WDR27: variants seen among roughly 807,000 people sequenced by gnomAD.
WDR27 encodes the protein WD repeat-containing protein 27.
Under a neutral mutation model 114.4 loss-of-function variants are expected in WDR27, and 100 were observed. That is an observed-to-expected ratio of 0.87 (90% CI 0.74 to 1.03). The LOEUF (loss-of-function observed/expected upper bound fraction) is 1.03, where lower values mean the gene tolerates loss of function less well. Among genes scored for constraint, WDR27 ranks in the 50% least tolerant of loss-of-function variants. WDR27 has a pLI of 0.00. For synonymous variants in WDR27, 449 were observed against 423.1 expected, an observed-to-expected ratio of 1.06 and a Z score of -0.75; for missense variants, 1,129 against 1,092.9, an observed-to-expected ratio of 1.03 and a Z score of -0.47.
intron 25 of WDR27, among the ~76,000 whole-genome samples, chr6:169,494,527 G>C (rs1358175959): frequency 1.3e-5 from 2 of 152,076 alleles, no homozygotes; most frequent in Admixed American, 1.3e-4. Flanking sequence ...GACATTACTA[G>C]ACAATAGAAA....
chr6:169,452,855 G>A (rs1784211413), downstream of WDR27, among the ~76,000 whole-genome samples: 1 of 152,346 alleles, frequency 6.6e-6, no homozygotes, highest in South Asian at 2.1e-4. Context: ...CTTTCTTCCT[G>A]CCAATAGCTT....
chr6:169,688,942 T>A lies in WDR27; in HGVS notation c.64A>T (p.Lys22Ter). The change falls in exon 2 of 26, where the codon AAA (lysine) becomes TAA (stop). Residue 22 changes from lysine (K) to a stop codon, truncating the protein, a stop_gained. Coordinates refer to ENST00000448612, the MANE Select transcript of WDR27 (RefSeq NM_182552.5). LOFTEE classifies it high-confidence loss of function. The part of the protein sequence containing the change: ...GGCLSDIVIE[K>*]YLVESKESVS... ...GACTCCTTGGATTCAACCAGGTATT[T>A]TTCTATAACTATATCACTTAGACAG... is the stretch of plus-strand genomic sequence containing the variant. 1 of 1,613,902 alleles carries A rather than the reference T, an allele frequency of 6.2e-7. No individual in the cohort carries two copies. The highest frequency in any genetic ancestry group is 8.5e-7 in the Non-Finnish European group (1 of 1,179,838).
intron 25 of WDR27, among the ~76,000 whole-genome samples, chr6:169,499,930 G>A (rs1158447653): frequency 6.6e-6 from 1 of 152,148 alleles, no homozygotes; most frequent in Non-Finnish European, 1.5e-5. Context: ...ATTGGTAAAG[G>A]GCTGAAGTCT....
chr6:169,618,009 A>G (rs746684113), intron 21 of WDR27, among the ~76,000 whole-genome samples: 31 of 152,232 alleles, frequency 2.0e-4, no homozygotes, highest in Non-Finnish European at 2.9e-4. Flanking sequence ...TAACTCCTGT[A>G]TCATTGCTTC....
At chr6:169,479,165 T>C (rs1363850769) in intron 25 of WDR27, among the ~76,000 whole-genome samples, 1 of 152,138 alleles carries the variant, frequency 6.6e-6, no homozygotes, top group Admixed American at 6.5e-5. Flanking sequence ...CAGAGCCTAA[T>C]ACCCAGAATC....
Position 169,684,494 on chromosome 6 carries a change from G to A in WDR27, c.189+4323C>T, listed in dbSNP as rs1562928430. ...GCCCATGTCTCAGACTCAAGAAAAA[G>A]ACCCATGGGTTGCCTTTGGAGGCAC... On this transcript the variant is annotated intron_variant, in intron 2 of 25. Transcript: ENST00000448612. The surrounding 1 kb of genome is among the most constrained non-coding windows in gnomAD (Gnocchi z 4.3). Among the ~76,000 whole-genome samples, 1 of 152,100 alleles carries A rather than the reference G, an allele frequency of 6.6e-6. No homozygotes were observed. The highest frequency in any genetic ancestry group is 1.5e-5 in the Non-Finnish European group (1 of 68,010).
In WDR27 at chr6:169,505,698, C is replaced by T. The variant is rs79297581; in HGVS notation, c.2646-48064G>A. 1.3e-3 allele frequency among the ~76,000 whole-genome samples: 201 copies of T among 152,336 alleles called. 1 individual carries two copies. The highest frequency in any genetic ancestry group is 4.6e-3 in the African/African-American group (190 of 41,574). ...AATCCTCAACTGCGTAGAAGGCACA[C>T]TGAAGTTTAAGAAGTGCTGGCAGAT... On this transcript the variant is annotated intron_variant, in intron 25 of 25. Coordinates refer to ENST00000448612, the MANE Select transcript of WDR27 (RefSeq NM_182552.5).
chr6:169,428,626 T>C, the WDR27 span, among the ~76,000 whole-genome samples: 1 of 151,736 alleles, frequency 6.6e-6, no homozygotes, highest in South Asian at 2.1e-4. Context: ...GTTCTACTCC[T>C]TTGATAGCCG....
intron 21 of WDR27, 88 bp downstream of exon 21, chr6:169,632,859 T>C: frequency 7.9e-7 from 1 of 1,266,386 alleles, no homozygotes; most frequent in Non-Finnish European, 1.0e-6. Context: ...AGCAAACACT[T>C]ATAAAATGGC....
At chr6:169,654,661 C>T (rs572698020) in intron 13 of WDR27, among the ~76,000 whole-genome samples, 64 of 152,062 alleles carry the variant, frequency 4.2e-4, no homozygotes, top group African/African-American at 1.5e-3. Context: ...TGCTGCAAAG[C>T]GAAAGCACAC....
intron 24 of WDR27, among the ~76,000 whole-genome samples, chr6:169,581,360 A>T (rs1214176367): frequency 6.6e-6 from 1 of 151,936 alleles, no homozygotes; most frequent in Non-Finnish European, 1.5e-5. Context: ...TGCACTTTTC[A>T]TTTTTCTTTC....
intron 25 of WDR27, among the ~76,000 whole-genome samples, chr6:169,471,389 C>CA (rs1786372350): frequency 1.3e-5 from 2 of 152,114 alleles, no homozygotes; most frequent in African/African-American, 4.8e-5. Context: ...TCAGAGATCC[C>CA]AGGTGTCTTT....
intron 24 of WDR27, among the ~76,000 whole-genome samples, chr6:169,580,179 A>G (rs575496297): frequency 5.3e-5 from 8 of 152,338 alleles, no homozygotes; most frequent in African/African-American, 1.7e-4. Flanking sequence ...AACAAAATAA[A>G]CCATGCTTAG....
intron 1 of WDR27, among the ~76,000 whole-genome samples, chr6:169,697,969 G>A (rs1317150380): frequency 6.6e-6 from 1 of 152,186 alleles, no homozygotes; most frequent in Non-Finnish European, 1.5e-5. Context: ...CCTGCGGGCT[G>A]GTCCCTACAG....
intron 21 of WDR27, among the ~76,000 whole-genome samples, chr6:169,625,767 T>C (rs891640295): frequency 5.9e-5 from 9 of 152,104 alleles, no homozygotes; most frequent in African/African-American, 2.2e-4. Context: ...CGTCTGGGGC[T>C]CTGGGGGGGA....
chr6:169,619,079 T>A (rs886865608), intron 21 of WDR27, among the ~76,000 whole-genome samples: 1 of 152,220 alleles, frequency 6.6e-6, no homozygotes, highest in African/African-American at 2.4e-5. Flanking sequence ...TTACAATCCC[T>A]ACTGAAAGAC....
At chr6:169,505,499 T>C (rs1312425052) in intron 25 of WDR27, among the ~76,000 whole-genome samples, 1 of 61,288 alleles carries the variant, frequency 1.6e-5, no homozygotes, top group African/African-American at 3.4e-5. Flanking sequence ...GACTCATAAT[T>C]TGAGAAATTT....
chr6:169,504,501 C>T (rs1163774208), intron 25 of WDR27, among the ~76,000 whole-genome samples: 3 of 151,818 alleles, frequency 2.0e-5, no homozygotes, highest in Non-Finnish European at 2.9e-5. Context: ...TGTGAGGCTC[C>T]CCAGCCATGT....
At chr6:169,593,505 TA>T (rs1012305712) in intron 23 of WDR27, among the ~76,000 whole-genome samples, 20 of 152,174 alleles carry the variant, frequency 1.3e-4, no homozygotes, top group African/African-American at 3.9e-4. Flanking sequence ...TCTCTCTTTA[TA>T]AAAAAAATTG....
Sources: allele counts gnomAD v4.1 joint callset (sites outside exome capture counted in the v4.1 genomes callset), GRCh38; gene constraint gnomAD v4.1.1; non-coding constraint Gnocchi (gnomAD v3.1); transcripts MANE v1.5; gene names NCBI Gene and HGNC (gene_info 2026-07-23, HGNC 2026-07-21).